CD82: variants seen among roughly 807,000 people sequenced by gnomAD.
CD82 encodes CD82 antigen.
Under a neutral mutation model 37.4 loss-of-function variants are expected in CD82, and 36 were observed. The ratio of observed to expected loss-of-function variants is 0.96; its 90% CI spans 0.74 to 1.27. The LOEUF is 1.27. Ranked by LOEUF, CD82 falls within the 50% of genes most tolerant of loss-of-function variation. The pLI is 0.00. For synonymous variants in CD82, 158 were observed against 137.4 expected (o/e 1.15, Z -1.05); for missense variants, 340 against 347.0 (o/e 0.98, Z 0.16).
chr11:44,604,940 A>G (rs2134673441), intron 4 of CD82, 118 bp from the exon 5 acceptor site: 1 of 1,401,152 alleles, frequency 7.1e-7, no homozygotes, highest in South Asian at 1.2e-5. Flanking sequence ...CAGCAGGGGA[A>G]TGCAGCTGAC....
chr11:44,578,012 C>G (rs1428315565), intron 1 of CD82, among the ~76,000 whole-genome samples: 6 of 152,144 alleles, frequency 3.9e-5, no homozygotes, highest in Admixed American at 1.3e-4. Flanking sequence ...CCCCCCTGAG[C>G]CTCAATTTCC....
chr11:44,618,991 T>G, intron 9 of CD82, 58 bp from the exon 10 acceptor site: 1 of 1,431,398 alleles, frequency 7.0e-7, no homozygotes, highest in Non-Finnish European at 9.8e-7. Flanking sequence ...ATGGTGAGGC[T>G]GGGGCGTCTG....
At position 44,595,093 on chromosome 11, in the gene CD82, C is replaced by T. The variant is rs186178708; in HGVS notation, c.63+368C>T. 6.9e-5 allele frequency: 17 copies of T among 247,902 alleles called. No individual in the cohort carries two copies. The East Asian group carries it at 1.6e-3, about 23-fold the overall frequency. The allele number at this position is 247,902 out of a possible 1,614,324, so 15.4% of individuals were successfully genotyped here. On this transcript the variant is annotated intron_variant, in intron 3 of 9. Transcript: ENST00000227155. The stretch of plus-strand genomic sequence containing the variant: ...CTCTCTAGTCCTGTCCTGGCCCCCA[C>T]CCTGCCCATGTGAAGAATTGACCTG...
At chr11:44,592,715 A>C (rs979746532) in intron 2 of CD82, among the ~76,000 whole-genome samples, 13 of 152,164 alleles carry the variant, frequency 8.5e-5, no homozygotes, top group African/African-American at 2.7e-4. Flanking sequence ...CGGGGAAGTC[A>C]TGTTTTCTCC....
At chr11:44,596,898 G>A in intron 3 of CD82, 1 of 456,208 alleles carries the variant, frequency 2.2e-6, no homozygotes, top group South Asian at 1.5e-5. Flanking sequence ...ATGAAAAATT[G>A]CAGTTGTTGG....
intron 1 of CD82, 146 bp from the exon 2 acceptor site, chr11:44,587,328 TG>T (rs1294033411): frequency 4.8e-6 from 2 of 419,372 alleles, no homozygotes; most frequent in Middle Eastern, 3.6e-4. Flanking sequence ...CATGAGCCTG[TG>T]GGGGGAAGAG....
chr11:44,602,146 G>A (rs184262877), intron 4 of CD82, among the ~76,000 whole-genome samples: 39 of 152,284 alleles, frequency 2.6e-4, no homozygotes, highest in African/African-American at 7.9e-4. Context: ...TTCCGAGCCC[G>A]TGCCTTGAAC....
rs145415276 is a variant in CD82 at position 44,600,495 on chromosome 11, T to C, written c.136+265T>C. On this transcript the variant is annotated intron_variant, in intron 4 of 9. Coordinates refer to ENST00000227155, the MANE Select transcript of CD82 (RefSeq NM_002231.4). ...ATGAGGGAGGCTTGTTTTCCCTTCC[T>C]GGCCCCTTCCCTTGGCCCTGACCTT... Among the ~76,000 whole-genome samples, 399 of 152,342 alleles carry C rather than the reference T, an allele frequency of 2.6e-3. 2 individuals carry two copies. The highest frequency in any genetic ancestry group is 9.4e-3 in the African/African-American group (392 of 41,582).
chr11:44,591,906 A>G (rs1350057378), intron 2 of CD82, among the ~76,000 whole-genome samples: 1 of 151,730 alleles, frequency 6.6e-6, no homozygotes, highest in African/African-American at 2.4e-5. Context: ...TGCAACCTCC[A>G]CCTCCTGGGT....
intron 1 of CD82, among the ~76,000 whole-genome samples, chr11:44,584,866 A>G (rs1335631748): frequency 6.6e-6 from 1 of 152,256 alleles, no homozygotes; most frequent in African/African-American, 2.4e-5. Context: ...TGATCAGGAC[A>G]AAGTCCAGAG....
At chr11:44,569,775 T>C (rs369114289) in intron 1 of CD82, among the ~76,000 whole-genome samples, 30 of 152,174 alleles carry the variant, frequency 2.0e-4, no homozygotes, top group African/African-American at 7.0e-4. Flanking sequence ...GAGATGATGG[T>C]ACAGCATGGC....
intron 7 of CD82, among the ~76,000 whole-genome samples, chr11:44,616,589 T>C (rs539124480): frequency 6.6e-6 from 1 of 152,158 alleles, no homozygotes; most frequent in Admixed American, 6.5e-5. Context: ...AGGCCTGGAG[T>C]GCTAACACTG....
intron 3 of CD82, among the ~76,000 whole-genome samples, chr11:44,595,260 C>T (rs1231005064): frequency 6.6e-6 from 1 of 152,002 alleles, no homozygotes; most frequent in Admixed American, 6.5e-5. Context: ...CCAGACCCAC[C>T]CCAGCAGATG....
chr11:44,619,044 C>T lies in CD82; in HGVS notation c.727-5C>T, dbSNP rs1853615111. 6.2e-7 allele frequency: 1 copy of T among 1,613,548 alleles called. No individual in the cohort carries two copies. The highest frequency in any genetic ancestry group is 8.5e-7 in the Non-Finnish European group (1 of 1,179,778). ...CTCCCTCTGACTCTCCGCCTCTCCC[C>T]ACAGCTCCTGGGGATGGTCCTGTCC... On this transcript the variant is annotated splice_polypyrimidine_tract_variant and splice_region_variant and intron_variant, in intron 9 of 9. Transcript: ENST00000227155.
At chr11:44,612,205 T>C (rs973484640) in intron 6 of CD82, among the ~76,000 whole-genome samples, 2 of 152,226 alleles carry the variant, frequency 1.3e-5, no homozygotes, top group Non-Finnish European at 2.9e-5. Context: ...CCGTGTGGTT[T>C]AAATGCCAAT....
intron 5 of CD82, 86 bp downstream of exon 5, chr11:44,605,268 G>A (rs940530288): frequency 1.6e-4 from 265 of 1,609,466 alleles, no homozygotes; most frequent in Non-Finnish European, 2.0e-4. Flanking sequence ...CCGTAACATC[G>A]GGTGGAGAGC....
At chr11:44,611,225 A>G (rs1853476368) in intron 6 of CD82, among the ~76,000 whole-genome samples, 1 of 152,194 alleles carries the variant, frequency 6.6e-6, no homozygotes, top group Non-Finnish European at 1.5e-5. Flanking sequence ...AGGACTCTTT[A>G]TGGCATGTGA....
Position 44,600,143 on chromosome 11 carries a change from C to T in CD82, c.64-15C>T. ...TGCTCTTGGCTCCCCATTAACTGCT[C>T]CCTTCTCCTTCCAGATCCTGGGCGC... On this transcript the variant is annotated splice_polypyrimidine_tract_variant and intron_variant, in intron 3 of 9. Transcript: ENST00000227155. 1 of 1,613,896 alleles carries T rather than the reference C, an allele frequency of 6.2e-7. No individual in the cohort carries two copies. The highest frequency in any genetic ancestry group is 8.5e-7 in the Non-Finnish European group (1 of 1,179,828).
At chr11:44,599,756 G>A (rs979287693) in intron 3 of CD82, among the ~76,000 whole-genome samples, 1 of 152,240 alleles carries the variant, frequency 6.6e-6, no homozygotes, top group Non-Finnish European at 1.5e-5. Context: ...GGGCTTTGAT[G>A]TTCAAGTCCA....
Sources: allele counts gnomAD v4.1 joint callset (sites outside exome capture counted in the v4.1 genomes callset), GRCh38; gene constraint gnomAD v4.1.1; transcripts MANE v1.5; gene names NCBI Gene and HGNC (gene_info 2026-07-23, HGNC 2026-07-21).